The following ADGB variants were observed in gnomAD, a reference collection of about 807,000 sequenced individuals.
The protein encoded by ADGB is calpain-7-like protein.
Under a neutral mutation model 210.5 loss-of-function variants are expected in ADGB, and 172 were observed. The observed-to-expected ratio is 0.82, with a 90% CI of 0.72 to 0.93. ADGB has a LOEUF of 0.93. Among genes scored for constraint, ADGB ranks in the 40% least tolerant of loss-of-function variants. ADGB has a pLI of 0.00. For synonymous variants in ADGB, 658 were observed against 662.7 expected, an observed-to-expected ratio of 0.99 and a Z score of 0.11; for missense variants, 2,025 against 1,964.8, an observed-to-expected ratio of 1.03 and a Z score of -0.58.
At chr6:146,635,956 A>G (rs982500394) in intron 2 of ADGB, among the ~76,000 whole-genome samples, 1 of 152,058 alleles carries the variant, frequency 6.6e-6, no homozygotes, top group Non-Finnish European at 1.5e-5. Flanking sequence ...TAACTGTGAG[A>G]TGAAAACTGG....
chr6:146,619,132 T>C (rs190630190), intron 1 of ADGB, among the ~76,000 whole-genome samples: 1 of 152,178 alleles, frequency 6.6e-6, no homozygotes, highest in East Asian at 1.9e-4. Flanking sequence ...GATAGATAGA[T>C]ATAGATATAT....
At chr6:146,700,341 G>A (rs1366742838) in intron 12 of ADGB, among the ~76,000 whole-genome samples, 1 of 152,174 alleles carries the variant, frequency 6.6e-6, no homozygotes, top group Non-Finnish European at 1.5e-5. Flanking sequence ...AATTTTTACA[G>A]ATCACTAACT....
At chr6:146,639,894 A>G (rs1368224123) in intron 2 of ADGB, 1 of 152,010 alleles carries the variant, frequency 6.6e-6, no homozygotes, top group East Asian at 1.9e-4. Context: ...TGCTAGCAGA[A>G]GACGAGAAAT....
chr6:146,744,385 T>C (rs1032272199), intron 25 of ADGB, among the ~76,000 whole-genome samples: 1 of 152,222 alleles, frequency 6.6e-6, no homozygotes, highest in Non-Finnish European at 1.5e-5. Flanking sequence ...CCTTGACATA[T>C]GCCTGCCCGA....
At chr6:146,602,655 G>A (rs551491152) in intron 1 of ADGB, among the ~76,000 whole-genome samples, 226 of 152,284 alleles carry the variant, frequency 1.5e-3, no homozygotes, top group African/African-American at 5.1e-3. Flanking sequence ...GGCTGTCTAC[G>A]TCAAGGGTCC....
chr6:146,688,472 A>C (rs1191724429), intron 10 of ADGB, among the ~76,000 whole-genome samples: 1 of 152,154 alleles, frequency 6.6e-6, no homozygotes, highest in East Asian at 1.9e-4. Flanking sequence ...GATGAAGAAG[A>C]TTCCACTGGG....
At chr6:146,814,743 T>C (rs1384903479) in intron 35 of ADGB, among the ~76,000 whole-genome samples, 2 of 152,180 alleles carry the variant, frequency 1.3e-5, no homozygotes, top group African/African-American at 4.8e-5. Flanking sequence ...TCATAAATTG[T>C]ATTTGAAATC....
chr6:146,740,028 C>T (rs1239634548), intron 23 of ADGB, among the ~76,000 whole-genome samples: 1 of 152,192 alleles, frequency 6.6e-6, no homozygotes. Context: ...TTTTTCCAAA[C>T]GTATTTCTCA....
In ADGB at chr6:146,773,936, G is replaced by T. The variant is rs141793220; in HGVS notation, c.3862+4805G>T. On this transcript the variant is annotated intron_variant, in intron 29 of 35. Coordinates refer to ENST00000397944, the MANE Select transcript of ADGB (RefSeq NM_024694.4). Reference sequence around the variant, plus strand: ...ATTACTACAGCATTGTCATTTTACAGATGAGGGAACTGGGATACAGACAGT... The same window carrying T: ...ATTACTACAGCATTGTCATTTTACATATGAGGGAACTGGGATACAGACAGT... 1.7e-4 allele frequency among the ~76,000 whole-genome samples: 26 copies of T among 152,254 alleles called. 1 individual carries two copies. The highest frequency in any genetic ancestry group is 5.8e-4 in the African/African-American group (24 of 41,544).
intron 13 of ADGB, among the ~76,000 whole-genome samples, chr6:146,705,138 T>C (rs1291896925): frequency 1.3e-5 from 2 of 152,162 alleles, no homozygotes; most frequent in Non-Finnish European, 2.9e-5. Flanking sequence ...ATGTTGATTT[T>C]GTATCCTGAA....
rs182682203 is a variant in ADGB, at chr6:146,787,303, G to A, written c.4316-1086G>A. The stretch of plus-strand genomic sequence containing the variant: ...AACACCACATACTAAAGTCCTCCTC[G>A]TTTGTTTCCAAGTCATTTCCTCCCT... On this transcript the variant is annotated intron_variant, in intron 32 of 35. Transcript: ENST00000397944. 1.8e-3 allele frequency among the ~76,000 whole-genome samples: 272 copies of A among 152,216 alleles called. 2 individuals are homozygous for A. Among genetic ancestry groups the A allele is most frequent in the Admixed American group, 0.016 (242 of 15,280 alleles).
chr6:146,605,359 T>C (rs536071933), intron 1 of ADGB, among the ~76,000 whole-genome samples: 31 of 152,250 alleles, frequency 2.0e-4, no homozygotes, highest in African/African-American at 7.5e-4. Context: ...ACAAGCCACA[T>C]TTCCAGCCTC....
At position 146,666,520 on chromosome 6, in the gene ADGB, T is replaced by C. The variant is rs545283045; in HGVS notation, c.753-296T>C. On this transcript the variant is annotated intron_variant, in intron 6 of 35. Coordinates refer to ENST00000397944, the MANE Select transcript of ADGB (RefSeq NM_024694.4). The stretch of plus-strand genomic sequence containing the variant: ...ACAAAAATGGATTATATTCTAATTA[T>C]ATATTTCATAATATATAATGTGAAT... Among the ~76,000 whole-genome samples the C allele has an allele frequency of 3.3e-5, 5 of 152,076 alleles. No homozygotes were observed. The East Asian group carries it at 9.6e-4, about 29-fold the overall frequency.
At chr6:146,662,769 G>A (rs1044693246) in intron 5 of ADGB, among the ~76,000 whole-genome samples, 1 of 151,504 alleles carries the variant, frequency 6.6e-6, no homozygotes. Context: ...TAGTCAACGT[G>A]TTTAGATTCA....
Position 146,635,522 on chromosome 6 carries a change from A to G in ADGB, c.222A>G (p.Gly74=). ...GTGCAAAAGAAAAGGACAAAACAGG[A>G]AAAAGCCCTGTATTTGTAAGTAGAT... The part of the protein sequence containing the change: ...GKGAKEKDKT[G]KSPVFHFFED... The change falls in exon 2 of 36, where the codon GGA becomes GGG. Residue 74 remains glycine (G), a synonymous_variant. Coordinates refer to ENST00000397944, the MANE Select transcript of ADGB (RefSeq NM_024694.4). 6.5e-7 allele frequency: 1 copy of G among 1,538,490 alleles called. No individual in the cohort carries two copies. The highest frequency in any genetic ancestry group is 1.2e-5 in the South Asian group (1 of 81,818).
intron 3 of ADGB, among the ~76,000 whole-genome samples, chr6:146,653,240 C>T (rs1562265468): frequency 6.6e-6 from 1 of 151,926 alleles, no homozygotes; most frequent in Non-Finnish European, 1.5e-5. Flanking sequence ...CCCGCTGATG[C>T]TACATTATGG....
rs1462210394 is a variant in ADGB, at chr6:146,767,380, A to G, written c.3751-1640A>G. Among the ~76,000 whole-genome samples the G allele has an allele frequency of 3.3e-5, 5 of 152,372 alleles. No homozygotes were observed. In the East Asian group the frequency reaches 7.7e-4, roughly 24 times the overall value. On this transcript the variant is annotated intron_variant, in intron 28 of 35. Coordinates refer to ENST00000397944, the MANE Select transcript of ADGB (RefSeq NM_024694.4). ...AGATTTTGGCAAGATTGCCAAAGAC[A>G]TTAATAGTAATAACTAATATATTGA... is the stretch of plus-strand genomic sequence containing the variant.
At chr6:146,731,696 A>G (rs185133293) in intron 20 of ADGB, among the ~76,000 whole-genome samples, 92 of 152,280 alleles carry the variant, frequency 6.0e-4, no homozygotes, top group Admixed American at 6.0e-3. Flanking sequence ...CTACCGTGTT[A>G]TATTAACTCC....
intron 31 of ADGB, 28 bp from the exon 32 acceptor site, chr6:146,785,582 T>A (rs1480132150): frequency 3.7e-5 from 57 of 1,535,592 alleles, no homozygotes; most frequent in Non-Finnish European, 5.0e-5. Flanking sequence ...GAAGAGCTTT[T>A]AAAAAGCTGC....
Sources: allele counts gnomAD v4.1 joint callset (sites outside exome capture counted in the v4.1 genomes callset), GRCh38; gene constraint gnomAD v4.1.1; transcripts MANE v1.5; gene names NCBI Gene and HGNC (gene_info 2026-07-23, HGNC 2026-07-21).